Variants in GPHN observed in about 807,000 individuals in gnomAD.
GPHN encodes the protein gephyrin.
Under a neutral mutation model 95.5 loss-of-function variants are expected in GPHN, and 17 were observed. The observed-to-expected ratio is 0.18, with a 90% CI of 0.12 to 0.27. The LOEUF is 0.27. Ranked by LOEUF, GPHN falls within the 10% of genes least tolerant of loss-of-function variation. GPHN has a pLI of 1.00. For missense variants in GPHN, 660 were observed against 978.1 expected, an observed-to-expected ratio of 0.67 and a Z score of 4.34; for synonymous variants, 320 against 322.5, an observed-to-expected ratio of 0.99 and a Z score of 0.08.
chr14:66,527,568 A>G (rs2058744402), intron 1 of GPHN, among the ~76,000 whole-genome samples: 1 of 151,992 alleles, frequency 6.6e-6, no homozygotes, highest in Admixed American at 6.5e-5. Flanking sequence ...TAGGGTATCG[A>G]TTTTATATCT....
chr14:67,674,488 A>G, the GPHN span: 3 of 1,602,242 alleles, frequency 1.9e-6, no homozygotes, highest in Non-Finnish European at 2.6e-6. Context: ...GGAGGAGGCC[A>G]TGGCGCAGGC....
intron 8 of GPHN, among the ~76,000 whole-genome samples, chr14:66,924,672 G>T (rs966854114): frequency 5.9e-5 from 9 of 152,104 alleles, no homozygotes; most frequent in African/African-American, 2.2e-4. Context: ...AGACAGATTG[G>T]TCAAGCAAAT....
At chr14:67,424,113 G>T in the GPHN span, among the ~76,000 whole-genome samples, 1 of 152,102 alleles carries the variant, frequency 6.6e-6, no homozygotes, top group African/African-American at 2.4e-5. Context: ...GGTGGCAGGT[G>T]CCTGTAATCC....
At chr14:67,620,996 C>T in the GPHN span, 3 of 1,599,398 alleles carry the variant, frequency 1.9e-6, no homozygotes. Context: ...GATATTAGTG[C>T]AGGACTAGTA....
chr14:66,621,774 G>T (rs767660364), intron 1 of GPHN, among the ~76,000 whole-genome samples: 1 of 152,132 alleles, frequency 6.6e-6, no homozygotes, highest in African/African-American at 2.4e-5. Context: ...CATATCTCAT[G>T]TCCGGGTCAT....
At chr14:66,537,849 A>G (rs1479825208) in intron 1 of GPHN, among the ~76,000 whole-genome samples, 4 of 152,188 alleles carry the variant, frequency 2.6e-5, no homozygotes, top group Non-Finnish European at 5.9e-5. Flanking sequence ...CTGTTTTGAG[A>G]CAGGGTCTCG....
chr14:67,646,863 C>A, the GPHN span: 1 of 1,398,840 alleles, frequency 7.1e-7, no homozygotes, highest in Non-Finnish European at 1.0e-6. Context: ...CCCCCAAATA[C>A]ATATTTGTTA....
chr14:66,619,965 G>A (rs1190166719), intron 1 of GPHN, among the ~76,000 whole-genome samples: 1 of 152,166 alleles, frequency 6.6e-6, no homozygotes, highest in African/African-American at 2.4e-5. Context: ...CAGGTTAGGA[G>A]ATGTAAGGAG....
At chr14:67,028,805 ATGTTGCAGGTTGACTCTACTC>A (rs1459962817) in intron 10 of GPHN, among the ~76,000 whole-genome samples, 1 of 152,236 alleles carries the variant, frequency 6.6e-6, no homozygotes, top group East Asian at 1.9e-4. Flanking sequence ...ATTTTCTTCC[ATGTTGCAGGTTGACTCTACTC>A]TGTTGATTGT....
the GPHN span, among the ~76,000 whole-genome samples, chr14:67,689,470 C>A: frequency 9.0e-3 from 1,373 of 152,240 alleles, 66 homozygotes; most frequent in Admixed American, 0.076. Context: ...GGAGACCCTG[C>A]CCCTCCATAT....
intron 16 of GPHN, among the ~76,000 whole-genome samples, chr14:67,119,745 A>C (rs547838914): frequency 1.3e-5 from 2 of 152,272 alleles, no homozygotes; most frequent in Admixed American, 1.3e-4. Flanking sequence ...AGCCGAGATC[A>C]CGCCATTGCA....
At chr14:67,727,388 C>A in the GPHN span, 4 of 561,884 alleles carry the variant, frequency 7.1e-6, no homozygotes, top group Non-Finnish European at 6.4e-6. Context: ...TTAAGAACCT[C>A]AAAAAGTTAC....
chr14:66,895,729 T>C (rs1442037273), intron 5 of GPHN, among the ~76,000 whole-genome samples: 1 of 152,058 alleles, frequency 6.6e-6, no homozygotes, highest in African/African-American at 2.4e-5. Context: ...TGGGAACATT[T>C]TATCACCAAA....
At chr14:67,559,749 C>A in the GPHN span, 11 of 1,180,420 alleles carry the variant, frequency 9.3e-6, 1 homozygote, top group South Asian at 1.2e-4. Context: ...CTGCCCTGAC[C>A]CCCGGAGTTT....
chr14:67,341,478 C>T, the GPHN span, among the ~76,000 whole-genome samples: 1 of 151,838 alleles, frequency 6.6e-6, no homozygotes, highest in African/African-American at 2.4e-5. Context: ...GGTCAGCCCC[C>T]GGCCCGGCCA....
the GPHN span, among the ~76,000 whole-genome samples, chr14:67,409,066 A>G: frequency 0.17 from 25,810 of 150,686 alleles, 5,023 homozygotes; most frequent in African/African-American, 0.48. Flanking sequence ...AAAAAAAAAG[A>G]AATAAAAAAA....
At chr14:67,151,748 A>G (rs892015203) in intron 18 of GPHN, among the ~76,000 whole-genome samples, 2 of 152,138 alleles carry the variant, frequency 1.3e-5, no homozygotes, top group Admixed American at 1.3e-4. Context: ...GGTTCAAGCA[A>G]TTCTTATGCC....
At chr14:67,210,856 T>G in the GPHN span, among the ~76,000 whole-genome samples, 1 of 151,846 alleles carries the variant, frequency 6.6e-6, no homozygotes, top group South Asian at 2.1e-4. Context: ...CTACAAAAAT[T>G]AGTTAGATGT....
chr14:67,427,603 C>T, the GPHN span, among the ~76,000 whole-genome samples: 1 of 152,208 alleles, frequency 6.6e-6, no homozygotes. Context: ...GACTTACCGT[C>T]GCCATTCATT....
Sources: allele counts gnomAD v4.1 joint callset (sites outside exome capture counted in the v4.1 genomes callset), GRCh38; gene constraint gnomAD v4.1.1; transcripts MANE v1.5; gene names NCBI Gene and HGNC (gene_info 2026-07-23, HGNC 2026-07-21).